TEX11: variants seen among roughly 807,000 people sequenced by gnomAD.
TEX11 encodes testis-expressed protein 11.
TEX11 carries 7 observed loss-of-function variants against 84.4 expected under a neutral mutation model. The observed-to-expected ratio is 0.08, with a 90% CI of 0.05 to 0.16. TEX11 has a LOEUF of 0.16. Ranked by LOEUF, TEX11 falls within the 10% of genes least tolerant of loss-of-function variation. The pLI is 1.00. For missense variants in TEX11, 551 were observed against 660.5 expected, an observed-to-expected ratio of 0.83 and a Z score of 1.82; for synonymous variants, 264 against 222.8, an observed-to-expected ratio of 1.18 and a Z score of -1.64.
the TEX11 span, among the ~76,000 whole-genome samples, chrX:70,517,647 A>G: frequency 8.9e-6 from 1 of 111,927 alleles, no homozygotes; most frequent in East Asian, 2.8e-4. Flanking sequence ...AAAATGAGTT[A>G]CGGAGGATTC....
intron 28 of TEX11, among the ~76,000 whole-genome samples, chrX:70,537,279 G>C (rs2087972611): frequency 9.0e-6 from 1 of 111,321 alleles, no homozygotes. Context: ...CTTTACTTGA[G>C]TTTGCCAAAA....
intron 9 of TEX11, among the ~76,000 whole-genome samples, chrX:70,784,950 T>C (rs2091067906): frequency 8.9e-6 from 1 of 111,989 alleles, no homozygotes; most frequent in Admixed American, 9.5e-5. Context: ...TACCAATGAC[T>C]TTCTTCACAG....
intron 25 of TEX11, among the ~76,000 whole-genome samples, chrX:70,582,028 T>C (rs1316653319): frequency 8.9e-6 from 1 of 112,030 alleles, no homozygotes; most frequent in African/African-American, 3.2e-5. Context: ...ATACTTACCA[T>C]ATTATAAATT....
rs767213129 is a variant in TEX11, at chrX:70,907,738, C to T, written c.37+15G>A. The stretch of plus-strand genomic sequence containing the variant: ...AGTTTGACACTATTTTGTACTACCA[C>T]GTAGAGCTACGTACCTTTAAAGTCC... On this transcript the variant is annotated intron_variant, in intron 2 of 29. Transcript: ENST00000374333. 7 of 1,144,691 alleles carry T rather than the reference C, an allele frequency of 6.1e-6. No homozygotes were observed. Among genetic ancestry groups the T allele is most frequent in the Non-Finnish European group, 7.2e-6 (6 of 834,821 alleles). 94.3% of individuals were successfully genotyped at this position (1,144,691 alleles called of 1,213,427 possible). A position where few individuals can be genotyped will look rare whatever the true frequency, so the allele number is the denominator to read the frequency against.
chrX:70,670,939 G>A (rs931632266), intron 15 of TEX11, among the ~76,000 whole-genome samples: 5 of 111,424 alleles, frequency 4.5e-5, no homozygotes, highest in Admixed American at 1.9e-4. Flanking sequence ...AGTTGTAATC[G>A]TAGCTTATAT....
chrX:70,781,661 G>A (rs931221840), intron 9 of TEX11, among the ~76,000 whole-genome samples: 4 of 111,867 alleles, frequency 3.6e-5, no homozygotes, highest in African/African-American at 1.3e-4. Flanking sequence ...CGAAAACTTC[G>A]TGACACATGT....
intron 8 of TEX11, among the ~76,000 whole-genome samples, chrX:70,808,517 T>A (rs4539036): frequency 0.2 from 21,416 of 106,131 alleles, 1,789 homozygotes; most frequent in Admixed American, 0.39. Context: ...TAATAATAAT[T>A]ATTATTATTA....
intron 2 of TEX11, among the ~76,000 whole-genome samples, chrX:70,886,378 C>T (rs1012742714): frequency 1.8e-5 from 2 of 111,431 alleles, no homozygotes; most frequent in Non-Finnish European, 3.8e-5. Context: ...ACATGAAATA[C>T]CTAAAATAGT....
At chrX:70,514,980 A>T in the TEX11 span, among the ~76,000 whole-genome samples, 3 of 109,758 alleles carry the variant, frequency 2.7e-5, no homozygotes, top group Non-Finnish European at 5.7e-5. Flanking sequence ...AGGCAGGAGA[A>T]TCACTTGAAC....
intron 11 of TEX11, among the ~76,000 whole-genome samples, chrX:70,728,628 C>T (rs1227123396): frequency 1.8e-5 from 2 of 111,142 alleles, no homozygotes; most frequent in Admixed American, 9.7e-5. Context: ...GGGCGCCCAC[C>T]ATTGCCGAGG....
intron 2 of TEX11, among the ~76,000 whole-genome samples, chrX:70,885,646 C>T (rs781133370): frequency 3.6e-5 from 4 of 111,209 alleles, no homozygotes; most frequent in Non-Finnish European, 5.7e-5. Flanking sequence ...AATCCCAGCA[C>T]ATTGGGAGGC....
intron 25 of TEX11, among the ~76,000 whole-genome samples, chrX:70,579,748 C>T (rs1022554152): frequency 5.4e-5 from 6 of 111,976 alleles, no homozygotes; most frequent in Admixed American, 3.8e-4. Context: ...TGAAAAGTTG[C>T]TCCGCATCAT....
downstream of TEX11, among the ~76,000 whole-genome samples, chrX:70,527,579 A>G (rs181713580): frequency 8.9e-6 from 1 of 112,204 alleles, no homozygotes; most frequent in East Asian, 2.8e-4. Context: ...ACTAAATACA[A>G]CTTATAATCC....
At chrX:70,820,207 A>G (rs1418653785) in intron 8 of TEX11, among the ~76,000 whole-genome samples, 2 of 112,186 alleles carry the variant, frequency 1.8e-5, no homozygotes, top group African/African-American at 6.5e-5. Context: ...TGGTACTAGA[A>G]TAAGAACAAA....
At chrX:70,797,961 C>T (rs1240392512) in intron 9 of TEX11, among the ~76,000 whole-genome samples, 1 of 97,431 alleles carries the variant, frequency 1.0e-5, no homozygotes, top group African/African-American at 3.8e-5. Context: ...AGCAAAGATG[C>T]CCACTCTCAC....
chrX:70,733,923 G>C (rs140093664), intron 11 of TEX11, among the ~76,000 whole-genome samples: 122 of 111,878 alleles, frequency 1.1e-3, no homozygotes, highest in Non-Finnish European at 1.9e-3. Context: ...AACAGTGATA[G>C]ACTGGATTAA....
intron 25 of TEX11, among the ~76,000 whole-genome samples, chrX:70,555,634 A>G (rs935012959): frequency 1.8e-5 from 2 of 111,876 alleles, no homozygotes; most frequent in African/African-American, 6.5e-5. Context: ...CTTGGTCTGC[A>G]GTTTCTTATA....
At chrX:70,651,413 T>TA in intron 17 of TEX11, 37 bp downstream of exon 17, 2 of 971,216 alleles carry the variant, frequency 2.1e-6, no homozygotes, top group Non-Finnish European at 2.9e-6. Context: ...ATTCTTTGTG[T>TA]TAATAGTCAA....
intron 16 of TEX11, among the ~76,000 whole-genome samples, chrX:70,653,504 T>C (rs753367478): frequency 8.9e-6 from 1 of 112,328 alleles, no homozygotes; most frequent in Non-Finnish European, 1.9e-5. Context: ...ACTATGCATC[T>C]ATTAGAATAA....
Sources: allele counts gnomAD v4.1 joint callset (sites outside exome capture counted in the v4.1 genomes callset), GRCh38; gene constraint gnomAD v4.1.1; transcripts MANE v1.5; gene names NCBI Gene and HGNC (gene_info 2026-07-23, HGNC 2026-07-21).